OCA2: variants seen among roughly 807,000 people sequenced by gnomAD.
OCA2 encodes the protein P protein.
OCA2 carries 77 observed loss-of-function variants against 100.2 expected under a neutral mutation model. The ratio of observed to expected loss-of-function variants is 0.77; its 90% CI spans 0.64 to 0.93. The LOEUF (loss-of-function observed/expected upper bound fraction) is 0.93, where lower values mean the gene tolerates loss of function less well. OCA2 is among the 40% of genes least tolerant of loss of function. The pLI, the probability that OCA2 is intolerant of heterozygous loss-of-function variation, is 0.00. For missense variants in OCA2, 1,062 were observed against 1,089.1 expected (o/e 0.98, Z 0.35); for synonymous variants, 432 against 439.2 (o/e 0.98, Z 0.21).
At chr15:27,995,845 C>T (rs139403059) in intron 9 of OCA2, among the ~76,000 whole-genome samples, 6,069 of 147,840 alleles carry the variant, frequency 0.041, 216 homozygotes, top group South Asian at 0.13. Flanking sequence ...TGGAGTCTCG[C>T]TCTGTCACCC....
chr15:27,954,032 A>G (rs971262475), intron 17 of OCA2, among the ~76,000 whole-genome samples: 3 of 151,476 alleles, frequency 2.0e-5, no homozygotes, highest in African/African-American at 7.3e-5. Context: ...TTCCTGAGTT[A>G]CTTCACTGGT....
Position 27,898,503 on chromosome 15 carries a change from G to A in OCA2, c.2080-26581C>T, listed in dbSNP as rs114369682. Among the ~76,000 whole-genome samples, 889 of 152,222 alleles carry A rather than the reference G, an allele frequency of 5.8e-3. 12 individuals are homozygous for A. Among genetic ancestry groups the A allele is most frequent in the African/African-American group, 0.02 (834 of 41,522 alleles). On this transcript the variant is annotated intron_variant, in intron 19 of 23. Coordinates refer to ENST00000354638, the MANE Select transcript of OCA2 (RefSeq NM_000275.3). ...TGTAAAATGTGACTTGCTTCTCCTC[G>A]TCTTTTGCCATGATTGTGAGGCCTC...
the OCA2 span, among the ~76,000 whole-genome samples, chr15:27,733,986 C>G: frequency 6.6e-6 from 1 of 151,214 alleles, no homozygotes; most frequent in Non-Finnish European, 1.5e-5. Context: ...ATGGTGAAAC[C>G]CCGTCTCTAC....
At chr15:27,854,168 T>C (rs2035866978) in intron 21 of OCA2, among the ~76,000 whole-genome samples, 1 of 152,208 alleles carries the variant, frequency 6.6e-6, no homozygotes, top group Admixed American at 6.5e-5. Flanking sequence ...ACAGAAGATC[T>C]TGTGTTTCTG....
chr15:28,069,851 G>T (rs1006444142), intron 2 of OCA2, among the ~76,000 whole-genome samples: 2 of 130,416 alleles, frequency 1.5e-5, no homozygotes, highest in Non-Finnish European at 3.0e-5. Flanking sequence ...GAGTGTCTCT[G>T]CCTGGCCGCC....
chr15:28,013,348 C>T (rs2042294905), intron 9 of OCA2, among the ~76,000 whole-genome samples: 1 of 152,166 alleles, frequency 6.6e-6, no homozygotes, highest in African/African-American at 2.4e-5. Context: ...CCTAACGTCA[C>T]CTTTAGAAGG....
chr15:27,890,004 G>A (rs2037389723), intron 19 of OCA2, among the ~76,000 whole-genome samples: 1 of 152,202 alleles, frequency 6.6e-6, no homozygotes, highest in Admixed American at 6.5e-5. Context: ...GGTCTGATGA[G>A]TGCTACATCC....
At chr15:27,784,265 C>T (rs2032693974) in intron 23 of OCA2, among the ~76,000 whole-genome samples, 14 of 152,184 alleles carry the variant, frequency 9.2e-5, no homozygotes, top group Admixed American at 9.2e-4. Context: ...CCACCCTGAA[C>T]ACAAGGTACC....
At position 27,835,876 on chromosome 15, in the gene OCA2, A is replaced by T. The variant is rs552036577; in HGVS notation, c.2432+9083T>A. Among the ~76,000 whole-genome samples the T allele has an allele frequency of 5.9e-5, 9 of 152,252 alleles. No homozygotes were observed. The South Asian group carries it at 1.7e-3, about 28-fold the overall frequency. On this transcript the variant is annotated intron_variant, in intron 23 of 23. Transcript: ENST00000354638. ...TCTCCCAGTACTGAGGTTGTGGGGC[A>T]TTGCTTCCTGAAAAGTATACAGTGG...
intron 23 of OCA2, among the ~76,000 whole-genome samples, chr15:27,786,057 T>C (rs920228473): frequency 1.3e-5 from 2 of 152,200 alleles, no homozygotes; most frequent in African/African-American, 4.8e-5. Context: ...AATACAGATA[T>C]ACATCTAACT....
intron 15 of OCA2, among the ~76,000 whole-genome samples, chr15:27,959,610 C>G (rs2040344610): frequency 6.6e-6 from 1 of 152,198 alleles, no homozygotes; most frequent in African/African-American, 2.4e-5. Context: ...CACACCTCTG[C>G]GTGGTTCATC....
intron 1 of OCA2, among the ~76,000 whole-genome samples, chr15:28,082,978 G>C (rs1190284049): frequency 6.6e-6 from 1 of 152,112 alleles, no homozygotes; most frequent in Non-Finnish European, 1.5e-5. Flanking sequence ...AATGACCTTT[G>C]GCCTTGCAGC....
rs766188851 is a variant in OCA2 at position 27,955,168 on chromosome 15, A to G, written c.1832T>C (p.Leu611Pro). 7 of 1,611,214 alleles carry G rather than the reference A, an allele frequency of 4.3e-6. No individual in the cohort carries two copies. The East Asian group carries it at 1.6e-4, about 36-fold the overall frequency. Residue 611 changes from leucine (L) to proline (P), a missense_variant, in exon 17 of 24, where the codon CTC becomes CCC. Leu to Pro is a moderately conservative substitution (Grantham distance 98, BLOSUM62 -3). Coordinates refer to ENST00000354638, the MANE Select transcript of OCA2 (RefSeq NM_000275.3). ...DKNWETNIQE[L>P]QKKHRISDGI... ...AAGAAAGCTGGGTACCTTTTTTTGG[A>G]GTTCTTGGATATTGGTCTCCCAATT...
rs879499629 is a variant in OCA2, at chr15:27,883,741, T to C, written c.2080-11819A>G. Among the ~76,000 whole-genome samples the C allele has an allele frequency of 1.1e-4, 16 of 152,302 alleles. 1 individual carries two copies. Among genetic ancestry groups the C allele is most frequent in the Admixed American group, 6.5e-4 (10 of 15,298 alleles). ...TATATCTCAGAAGTCAGGTAGACAG[T>C]CCCTGGGATCTCTGGGCTTCCTTTT... On this transcript the variant is annotated intron_variant, in intron 19 of 23. Coordinates refer to ENST00000354638, the MANE Select transcript of OCA2 (RefSeq NM_000275.3).
intron 3 of OCA2, among the ~76,000 whole-genome samples, chr15:28,029,905 A>C (rs933500110): frequency 7.9e-5 from 12 of 152,114 alleles, no homozygotes; most frequent in African/African-American, 2.7e-4. Context: ...CCCATGTTCT[A>C]CTCCCTTGAA....
chr15:28,057,882 T>A (rs920977251), intron 2 of OCA2, among the ~76,000 whole-genome samples: 2 of 152,088 alleles, frequency 1.3e-5, no homozygotes, highest in African/African-American at 4.8e-5. Flanking sequence ...ACAAGACTGA[T>A]CCCTTCCCAG....
chr15:27,979,868 G>GTTT (rs35266057), intron 14 of OCA2, among the ~76,000 whole-genome samples: 26 of 107,998 alleles, frequency 2.4e-4, no homozygotes, highest in Admixed American at 1.2e-3. Flanking sequence ...CCCAGCTAGT[G>GTTT]TTTTTTTTTT....
intron 23 of OCA2, among the ~76,000 whole-genome samples, chr15:27,758,760 TACA>T (rs1165453177): frequency 1.3e-5 from 2 of 151,942 alleles, no homozygotes; most frequent in Admixed American, 6.6e-5. Context: ...AACTTGAAGA[TACA>T]ACAACAGAAA....
chr15:27,765,779 G>A (rs529166730), intron 23 of OCA2, among the ~76,000 whole-genome samples: 15 of 152,174 alleles, frequency 9.9e-5, no homozygotes, highest in South Asian at 8.3e-4. Context: ...GGTTTGGTCC[G>A]GGAACAGGAA....
Sources: gnomAD v4.1 joint callset for allele counts (sites outside exome capture counted in the v4.1 genomes callset) on GRCh38, gnomAD v4.1.1 for gene constraint, MANE v1.5 for transcripts, NCBI Gene and HGNC (gene_info 2026-07-23, HGNC 2026-07-21) for gene names.